The following HELZ2 variants were observed in gnomAD, a reference collection of about 807,000 sequenced individuals.
The protein encoded by HELZ2 is helicase with zinc finger 2.
HELZ2 carries 143 observed loss-of-function variants against 208.8 expected under a neutral mutation model. That is an observed-to-expected ratio of 0.68 (90% CI 0.60 to 0.79). HELZ2 has a LOEUF of 0.79. Ranked by LOEUF, HELZ2 falls within the 30% of genes least tolerant of loss-of-function variation. The pLI is 0.00. For missense variants in HELZ2, 3,690 were observed against 3,794.5 expected (o/e 0.97, Z 0.72); for synonymous variants, 1,705 against 1,693.7 (o/e 1.01, Z -0.16).
exon 8 of HELZ2, chr20:63,565,273 G>A (rs373105277): frequency 3.7e-5 from 59 of 1,604,958 alleles, no homozygotes; most frequent in African/African-American, 3.3e-4. Context: ...GCCGCCCCTC[G>A]GGCGCCTTGT....
chr20:63,569,807 C>A, intron 3 of HELZ2, 142 bp from the exon 5 acceptor site: 1 of 945,150 alleles, frequency 1.1e-6, no homozygotes, highest in Admixed American at 3.0e-5. Context: ...GGCCACCCGG[C>A]CTCTGCCATC....
exon 8 of HELZ2, chr20:63,563,409 A>T (rs1225716600): frequency 8.5e-6 from 13 of 1,534,722 alleles, no homozygotes; most frequent in Non-Finnish European, 1.1e-5. Flanking sequence ...GGCGGGCTGG[A>T]TCCCTGCGCT....
intron 10 of HELZ2, 32 bp from the exon 12 acceptor site, chr20:63,562,016 C>T (rs1246190411): frequency 1.3e-6 from 2 of 1,596,180 alleles, no homozygotes; most frequent in Admixed American, 3.4e-5. Flanking sequence ...TTGTAGCCCA[C>T]CCTGTGGGTC....
rs763769204 is a variant in HELZ2, at chr20:63,564,687, C to T, written c.4135G>A (p.Val1379Met). The T allele has an allele frequency of 6.2e-5, 98 of 1,593,392 alleles. No individual in the cohort carries two copies. The highest frequency in any genetic ancestry group is 8.7e-5 in the Admixed American group (5 of 57,556). The change falls in exon 8 of 19, where the codon GTG becomes ATG. Residue 1379 changes from valine to methionine, a missense_variant. Val to Met is a conservative substitution (Grantham distance 21). Transcript: ENST00000467148. ...ACGTCCAGCACCCCGTCCCTGGGCA[C>T]GAAGCTGGCCACATCAGTGATGTGC... is the stretch of plus-strand genomic sequence containing the variant.
chr20:63,566,139 C>T (rs757636217), exon 8 of HELZ2: 2 of 1,568,034 alleles, frequency 1.3e-6, no homozygotes, highest in Non-Finnish European at 8.6e-7. Flanking sequence ...AGCACGCGGG[C>T]GTCGGTGAAG....
exon 12 of HELZ2, chr20:63,561,615 C>A: frequency 1.2e-6 from 2 of 1,606,888 alleles, no homozygotes; most frequent in Non-Finnish European, 1.7e-6. Context: ...GGCTCTGGTT[C>A]GGCCTCCCCT....
At position 63,565,946 on chromosome 20, in the gene HELZ2, C is replaced by T. The variant is rs770345236; in HGVS notation, c.2876G>A (p.Arg959Gln). 23 of 1,598,798 alleles carry T rather than the reference C, an allele frequency of 1.4e-5. No individual in the cohort carries two copies. The highest frequency in any genetic ancestry group is 5.5e-5 in the South Asian group (5 of 90,930). ...CTGTGTGCCTCGGGGAGGCCAGCGC[C>T]GTCTCTGCGCCACACCCTGCTCGAC... is the stretch of plus-strand genomic sequence containing the variant. Residue 959 changes from arginine to glutamine, a missense_variant, in exon 8 of 19, where the codon CGG (arginine) becomes CAG (glutamine). Physicochemically the swap from Arg to Gln is conservative, Grantham distance 43. Around this residue, in one of 3 missense-constraint regions of HELZ2, gnomAD observed 2,564 missense variants for 2,580.5 expected, o/e 0.99. Transcript: ENST00000467148.
exon 8 of HELZ2, chr20:63,563,526 G>A: frequency 6.6e-7 from 1 of 1,512,910 alleles, no homozygotes; most frequent in Admixed American, 2.0e-5. Flanking sequence ...CAGGGGTCAG[G>A]CAGCGTCTCC....
intron 3 of HELZ2, 51 bp from the exon 5 acceptor site, chr20:63,569,716 C>A (rs1372606830): frequency 2.1e-6 from 3 of 1,451,324 alleles, no homozygotes; most frequent in South Asian, 2.8e-5. Context: ...CCCCAACCCT[C>A]CCGAGAGGCA....
exon 8 of HELZ2, chr20:63,563,135 A>G (rs1162384093): frequency 1.9e-6 from 3 of 1,595,810 alleles, no homozygotes; most frequent in Non-Finnish European, 2.6e-6. Context: ...GCTCGGTACC[A>G]GGAAGCCGTG....
chr20:63,570,325 CT>C (rs2083004601), intron 3 of HELZ2, 178 bp downstream of exon 4: 2 of 714,198 alleles, frequency 2.8e-6, no homozygotes, highest in Admixed American at 2.0e-5. Flanking sequence ...TCCTGGCCCC[CT>C]GTCTCTAGGT....
At chr20:63,563,670 G>T in exon 8 of HELZ2, 1 of 1,569,520 alleles carries the variant, frequency 6.4e-7, no homozygotes. Flanking sequence ...TGATAGCTCT[G>T]GGCAAGTGCG....
chr20:63,570,665 C>CCCCA lies in HELZ2; in HGVS notation c.462+19_462+20insTGGG. ...GGCCTGGACCCCACCCCACCCCACC[C>CCCCA]ACTCCCAGGGCCCACTTACCACAAG... On this transcript the variant is annotated intron_variant, in intron 2 of 18. Coordinates refer to ENST00000467148, the Ensembl canonical transcript of HELZ2. 3 of 1,548,078 alleles carry CCCCA rather than the reference C, an allele frequency of 1.9e-6. No homozygotes were observed. The highest frequency in any genetic ancestry group is 2.7e-6 in the Non-Finnish European group (3 of 1,128,582).
chr20:63,565,120 T>C, exon 8 of HELZ2: 1 of 1,573,412 alleles, frequency 6.4e-7, no homozygotes, highest in Non-Finnish European at 8.6e-7. Flanking sequence ...GGACCTGCGA[T>C]GGGTCCTTCA....
chr20:63,565,931 C>T (rs111245218), exon 8 of HELZ2: 8 of 1,598,614 alleles, frequency 5.0e-6, no homozygotes, highest in Middle Eastern at 1.6e-4. Context: ...CTGTGTGCCT[C>T]GGGGAGGCCA....
At chr20:63,566,133 C>T (rs1316631723) in exon 8 of HELZ2, 4 of 1,570,730 alleles carry the variant, frequency 2.5e-6, no homozygotes, top group Non-Finnish European at 3.4e-6. Flanking sequence ...GTGTTGAGCA[C>T]GCGGGCGTCG....
exon 8 of HELZ2, chr20:63,563,841 A>G (rs1264558428): frequency 1.3e-6 from 2 of 1,596,900 alleles, no homozygotes; most frequent in South Asian, 2.2e-5. Flanking sequence ...TGCAGCGAGT[A>G]GTGGCCGCCC....
chr20:63,562,796 C>A, exon 8 of HELZ2: 1 of 1,609,688 alleles, frequency 6.2e-7, no homozygotes, highest in Non-Finnish European at 8.5e-7. Flanking sequence ...GAGCCGGATG[C>A]AGAGGTAGCA....
At chr20:63,562,100 C>G in exon 10 of HELZ2, 1 of 1,612,376 alleles carries the variant, frequency 6.2e-7, no homozygotes, top group Non-Finnish European at 8.5e-7. Flanking sequence ...CCGTGAAAGG[C>G]TTCTCCAGAG....
Sources: allele counts gnomAD v4.1 joint callset, GRCh38; gene constraint gnomAD v4.1.1; regional missense constraint gnomAD v4.1.1; transcripts MANE v1.5; gene names NCBI Gene and HGNC (gene_info 2026-07-23, HGNC 2026-07-21).